The following PDE11A variants were observed in gnomAD, a reference collection of about 807,000 sequenced individuals.
PDE11A encodes dual 3',5'-cyclic-AMP and -GMP phosphodiesterase 11A.
Under a neutral mutation model 100.5 loss-of-function variants are expected in PDE11A, and 100 were observed. The observed-to-expected ratio is 1.00, with a 90% CI of 0.85 to 1.18. PDE11A has a LOEUF of 1.18. Ranked by LOEUF, PDE11A falls within the 50% of genes most tolerant of loss-of-function variation. The pLI, the probability that PDE11A is intolerant of heterozygous loss-of-function variation, is 0.00. For synonymous variants in PDE11A, 381 were observed against 420.8 expected (o/e 0.91, Z 1.16); for missense variants, 1,141 against 1,152.6 (o/e 0.99, Z 0.15).
At chr2:178,033,304 T>C (rs1412011189) in intron 1 of PDE11A, among the ~76,000 whole-genome samples, 1 of 152,032 alleles carries the variant, frequency 6.6e-6, no homozygotes. Context: ...ATATCAGAGA[T>C]TGAAGATCAA....
intron 1 of PDE11A, among the ~76,000 whole-genome samples, chr2:178,019,792 T>C (rs1035417686): frequency 1.3e-5 from 2 of 152,164 alleles, no homozygotes; most frequent in East Asian, 1.9e-4. Flanking sequence ...CAAAAGACAA[T>C]GAGCCTCAGA....
chr2:177,965,303 C>G (rs529659939), intron 2 of PDE11A, among the ~76,000 whole-genome samples: 15 of 152,248 alleles, frequency 9.9e-5, no homozygotes, highest in Non-Finnish European at 2.1e-4. Context: ...CAAATATTTT[C>G]TCCCATCCTG....
intron 1 of PDE11A, among the ~76,000 whole-genome samples, chr2:178,031,387 T>G (rs974898758): frequency 4.6e-5 from 7 of 152,044 alleles, no homozygotes; most frequent in Non-Finnish European, 7.4e-5. Context: ...GAAAGAAAAC[T>G]GTCATTATTT....
chr2:177,632,059 G>C (rs2079958493), intron 19 of PDE11A, among the ~76,000 whole-genome samples: 1 of 152,132 alleles, frequency 6.6e-6, no homozygotes, highest in African/African-American at 2.4e-5. Flanking sequence ...AAGCTATGGA[G>C]AAAACCATTG....
intron 5 of PDE11A, among the ~76,000 whole-genome samples, chr2:177,850,116 G>T (rs1372866708): frequency 1.3e-5 from 2 of 152,148 alleles, no homozygotes; most frequent in African/African-American, 4.8e-5. Context: ...GAGGCATCAT[G>T]CTACCTGACT....
rs148614031 is a variant in PDE11A, at chr2:178,087,893, T to C, written c.162+16409A>G. ...ATCACAGTGGTTCTGTTTTAAACAC[T>C]GAGTTTTTTTTTTGTTTTTTTCTTT... On this transcript the variant is annotated intron_variant, in intron 2 of 20. Coordinates refer to the PDE11A transcript ENST00000358450. 2.3e-3 allele frequency among the ~76,000 whole-genome samples: 350 copies of C among 152,138 alleles called. 1 individual carries two copies. The highest frequency in any genetic ancestry group is 7.5e-3 in the African/African-American group (311 of 41,480).
rs1473779754 is a variant in PDE11A at position 177,623,776 on chromosome 2, G to A, written c.*5631C>T. 6.6e-6 allele frequency: 1 copy of A among 152,012 alleles called. No homozygotes were observed. The highest frequency in any genetic ancestry group is 1.5e-5 in the Non-Finnish European group (1 of 68,006). The allele number at this position is 152,012 out of a possible 1,614,324, so 9.4% of individuals were successfully genotyped here. ...TTTGTGTACTAGCGTATACAAAAAT[G>A]ACATTGGTGTAGTTATGTTATACAG... is the stretch of plus-strand genomic sequence containing the variant. On this transcript the variant is annotated 3_prime_UTR_variant, in exon 20 of 20. Transcript: ENST00000286063.
intron 2 of PDE11A, among the ~76,000 whole-genome samples, chr2:178,083,099 A>T (rs1021867333): frequency 1.2e-4 from 16 of 138,772 alleles, no homozygotes; most frequent in African/African-American, 3.8e-4. Flanking sequence ...TAAAACTAAA[A>T]TTTTTTTTTT....
At chr2:177,966,559 A>T (rs1365765179) in intron 2 of PDE11A, among the ~76,000 whole-genome samples, 1 of 151,888 alleles carries the variant, frequency 6.6e-6, no homozygotes, top group African/African-American at 2.4e-5. Context: ...TTTTTTTTTA[A>T]CATGAAGAGA....
chr2:177,872,858 T>C (rs2084162623), intron 5 of PDE11A, among the ~76,000 whole-genome samples: 1 of 90,412 alleles, frequency 1.1e-5, no homozygotes. Context: ...TAACTTCCAA[T>C]AAATGACTGA....
intron 2 of PDE11A, among the ~76,000 whole-genome samples, chr2:177,911,384 A>G (rs750889947): frequency 5.9e-5 from 9 of 152,222 alleles, no homozygotes; most frequent in Non-Finnish European, 1.0e-4. Flanking sequence ...GTATAGCTTC[A>G]TTCACTGCAA....
At chr2:177,925,898 A>C (rs2085118473) in intron 2 of PDE11A, among the ~76,000 whole-genome samples, 1 of 152,208 alleles carries the variant, frequency 6.6e-6, no homozygotes, top group Admixed American at 6.5e-5. Context: ...TTTTCAGGGG[A>C]ACCTGAGTGT....
rs2080757378 is a variant in PDE11A at position 177,675,466 on chromosome 2, T to G, written c.2476A>C (p.Ile826Leu). ...TAATCACCACTTGCCTGTCTGGAGATCTCCCACGGTTTGGTCACGGCTCCA... is the reference window on the plus strand; with the variant it reads ...TAATCACCACTTGCCTGTCTGGAGAGCTCCCACGGTTTGGTCACGGCTCCA... ...DLGAVTKPWE[I>L]SRQVAELVTS... is the part of the protein sequence containing the mutation. The change falls in exon 17 of 20, where the codon ATC (isoleucine) becomes CTC (leucine). Residue 826 changes from isoleucine (I) to leucine (L), a missense_variant. Transcript: ENST00000286063. 6.2e-7 allele frequency: 1 copy of G among 1,612,564 alleles called. No individual in the cohort carries two copies. Among genetic ancestry groups the G allele is most frequent in the Non-Finnish European group, 8.5e-7 (1 of 1,178,906 alleles).
intron 10 of PDE11A, among the ~76,000 whole-genome samples, chr2:177,728,677 C>T (rs984584207): frequency 6.6e-6 from 1 of 152,024 alleles, no homozygotes; most frequent in Non-Finnish European, 1.5e-5. Flanking sequence ...TCAGAATGAT[C>T]GAAAGGATCA....
intron 1 of PDE11A, among the ~76,000 whole-genome samples, chr2:178,020,926 TGTGTGTGTG>T (rs1559044523): frequency 1.3e-4 from 1 of 7,716 alleles, no homozygotes; most frequent in Non-Finnish European, 2.0e-4. Context: ...TTTGTCTTGG[TGTGTGTGTG>T]TGTGTGTGTG....
intron 19 of PDE11A, among the ~76,000 whole-genome samples, chr2:177,660,436 T>TA (rs2080469362): frequency 6.6e-6 from 1 of 152,126 alleles, no homozygotes; most frequent in African/African-American, 2.4e-5. Flanking sequence ...ATATATATGG[T>TA]AAAGAGGGCC....
chr2:177,796,173 G>A (rs570608347), intron 9 of PDE11A, among the ~76,000 whole-genome samples: 1 of 151,998 alleles, frequency 6.6e-6, no homozygotes, highest in African/African-American at 2.4e-5. Flanking sequence ...CAGGAGCCTG[G>A]TTAGTGTCTT....
intron 10 of PDE11A, among the ~76,000 whole-genome samples, chr2:177,753,023 G>A (rs1297908258): frequency 6.6e-6 from 1 of 152,218 alleles, no homozygotes; most frequent in Non-Finnish European, 1.5e-5. Context: ...GGAAAGAGCA[G>A]ATGCCCAGGT....
intron 2 of PDE11A, among the ~76,000 whole-genome samples, chr2:177,983,508 A>C (rs2085907530): frequency 6.6e-6 from 1 of 152,232 alleles, no homozygotes; most frequent in Non-Finnish European, 1.5e-5. Flanking sequence ...CAGAATAAAG[A>C]TGAATAAAGA....
Sources: allele counts gnomAD v4.1 joint callset (sites outside exome capture counted in the v4.1 genomes callset), GRCh38; gene constraint gnomAD v4.1.1; transcripts MANE v1.5; gene names NCBI Gene and HGNC (gene_info 2026-07-23, HGNC 2026-07-21).